The following SLIT3 variants were observed in gnomAD, a reference collection of about 807,000 sequenced individuals.
SLIT3 encodes the protein slit homolog 3 protein.
Under a neutral mutation model 184.0 loss-of-function variants are expected in SLIT3, and 68 were observed. The ratio of observed to expected loss-of-function variants is 0.37; its 90% CI spans 0.30 to 0.45. The LOEUF is 0.45. Ranked by LOEUF, SLIT3 falls within the 20% of genes least tolerant of loss-of-function variation. SLIT3 has a pLI of 1.00. For synonymous variants in SLIT3, 831 were observed against 828.6 expected (o/e 1.00, Z -0.05); for missense variants, 1,707 against 2,026.0 (o/e 0.84, Z 3.02).
intron 10 of SLIT3, chr5:168,792,417 G>C (rs898638767): frequency 6.6e-6 from 1 of 152,192 alleles, no homozygotes; most frequent in Non-Finnish European, 1.5e-5. Flanking sequence ...TTCCATGTAG[G>C]TGGTCCCTAG....
intron 4 of SLIT3, among the ~76,000 whole-genome samples, chr5:169,033,748 T>C (rs1757126441): frequency 6.6e-6 from 1 of 152,074 alleles, no homozygotes; most frequent in Admixed American, 6.6e-5. Flanking sequence ...TCTGTAGAAA[T>C]GCCTATTCAG....
intron 26 of SLIT3, among the ~76,000 whole-genome samples, chr5:168,701,098 G>T (rs1403446148): frequency 6.6e-6 from 1 of 152,300 alleles, no homozygotes; most frequent in Admixed American, 6.5e-5. Context: ...ACCTCACAGG[G>T]TTGCTATGAG....
At chr5:168,679,586 TA>T (rs1432653428) in intron 32 of SLIT3, among the ~76,000 whole-genome samples, 4 of 152,172 alleles carry the variant, frequency 2.6e-5, no homozygotes, top group Admixed American at 2.6e-4. Context: ...AAGGGTTTGT[TA>T]TTCCTCTAGG....
intron 6 of SLIT3, among the ~76,000 whole-genome samples, chr5:168,836,966 A>G (rs1038990092): frequency 1.3e-5 from 2 of 152,196 alleles, no homozygotes; most frequent in Admixed American, 6.5e-5. Context: ...AAAAAAATTT[A>G]GATTTCAAAG....
intron 4 of SLIT3, among the ~76,000 whole-genome samples, chr5:169,067,677 G>A (rs1323529321): frequency 6.6e-6 from 1 of 152,148 alleles, no homozygotes; most frequent in Non-Finnish European, 1.5e-5. Flanking sequence ...TATTCCAGTT[G>A]GGTTAAAATT....
intron 20 of SLIT3, among the ~76,000 whole-genome samples, chr5:168,734,536 A>G (rs1243365860): frequency 1.3e-5 from 2 of 152,152 alleles, no homozygotes; most frequent in African/African-American, 2.4e-5. Flanking sequence ...ACACCTACCA[A>G]TGATATTACA....
chr5:169,012,471 C>T (rs2163783), intron 4 of SLIT3: 43,744 of 152,100 alleles, frequency 0.29, 6,479 homozygotes, highest in South Asian at 0.38. Context: ...TCCCTTCTTC[C>T]GCCCCAGGTC....
chr5:168,697,209 G>A (rs1443112685), intron 27 of SLIT3, among the ~76,000 whole-genome samples: 1 of 152,248 alleles, frequency 6.6e-6, no homozygotes, highest in Non-Finnish European at 1.5e-5. Flanking sequence ...GAAGGCTAGA[G>A]TGGGAGGATC....
chr5:168,696,456 C>T (rs780524315), intron 27 of SLIT3, 25 bp from the exon 28 acceptor site: 27 of 1,612,898 alleles, frequency 1.7e-5, no homozygotes, highest in Non-Finnish European at 2.2e-5. Flanking sequence ...GGGTGGAGAG[C>T]AGGGGAGTCA....
intron 4 of SLIT3, among the ~76,000 whole-genome samples, chr5:169,192,325 G>A (rs923976033): frequency 6.6e-6 from 1 of 152,100 alleles, no homozygotes; most frequent in African/African-American, 2.4e-5. Context: ...TCCTAGAGAA[G>A]GCAAGCGAGA....
chr5:168,908,845 C>T (rs1761165137), intron 4 of SLIT3, among the ~76,000 whole-genome samples: 1 of 152,210 alleles, frequency 6.6e-6, no homozygotes, highest in Non-Finnish European at 1.5e-5. Context: ...ACTAAAAATG[C>T]TTCCCATGGT....
At chr5:168,845,163 C>A (rs940901107) in intron 5 of SLIT3, among the ~76,000 whole-genome samples, 1 of 152,114 alleles carries the variant, frequency 6.6e-6, no homozygotes, top group African/African-American at 2.4e-5. Flanking sequence ...TACCCAAGAG[C>A]GGCAAGGGTG....
At chr5:169,267,696 G>C (rs1365437415) in intron 1 of SLIT3, among the ~76,000 whole-genome samples, 1 of 152,184 alleles carries the variant, frequency 6.6e-6, no homozygotes, top group South Asian at 2.1e-4. Flanking sequence ...CAACACAAAT[G>C]GTCATTCCCA....
chr5:168,712,746 G>GTCAC, intron 23 of SLIT3: 1 of 175,544 alleles, frequency 5.7e-6, no homozygotes, highest in Non-Finnish European at 1.2e-5. Context: ...CTGTGCTTAA[G>GTCAC]ACCGGAAGTT....
chr5:169,236,289 G>A (rs759922350), intron 3 of SLIT3, among the ~76,000 whole-genome samples: 1 of 152,080 alleles, frequency 6.6e-6, no homozygotes, highest in Non-Finnish European at 1.5e-5. Context: ...TTTGTTTTGA[G>A]CACTCCCTTT....
At chr5:168,792,625 G>A (rs1581087806) in intron 10 of SLIT3, among the ~76,000 whole-genome samples, 1 of 152,214 alleles carries the variant, frequency 6.6e-6, no homozygotes, top group South Asian at 2.1e-4. Flanking sequence ...CTTGTGGAAT[G>A]AGTTGCTCTG....
chr5:168,907,730 T>C (rs1761100139), intron 4 of SLIT3, among the ~76,000 whole-genome samples: 1 of 151,996 alleles, frequency 6.6e-6, no homozygotes, highest in Non-Finnish European at 1.5e-5. Flanking sequence ...AAATAACCAC[T>C]GTAAATATTT....
intron 4 of SLIT3, among the ~76,000 whole-genome samples, chr5:168,968,845 C>T (rs62377238): frequency 0.04 from 6,031 of 152,206 alleles, 156 homozygotes; most frequent in Middle Eastern, 0.061. Flanking sequence ...TCTTTCTAGC[C>T]GTGTGACCTT....
intron 3 of SLIT3, among the ~76,000 whole-genome samples, chr5:169,218,988 G>C (rs1764535537): frequency 6.6e-6 from 1 of 152,170 alleles, no homozygotes; most frequent in Admixed American, 6.5e-5. Context: ...GATCAGATCT[G>C]GCCCATCCTC....
Sources: gnomAD v4.1 joint callset for allele counts (sites outside exome capture counted in the v4.1 genomes callset) on GRCh38, gnomAD v4.1.1 for gene constraint, MANE v1.5 for transcripts, NCBI Gene and HGNC (gene_info 2026-07-23, HGNC 2026-07-21) for gene names.